Variants in MRPS28 observed in about 807,000 individuals in gnomAD.
The protein encoded by MRPS28 is small ribosomal subunit protein bS1m.
In MRPS28, 7 loss-of-function variants were observed where a neutral mutation model predicts 10.8. The observed-to-expected ratio is 0.65, with a 90% CI of 0.37 to 1.22. MRPS28 has a LOEUF of 1.22. Among genes scored for constraint, MRPS28 ranks in the 50% most tolerant of loss-of-function variants. The pLI, the probability that MRPS28 is intolerant of heterozygous loss-of-function variation, is 0.02. For synonymous variants in MRPS28, 121 were observed against 93.3 expected, an observed-to-expected ratio of 1.30 and a Z score of -1.71; for missense variants, 265 against 232.9, an observed-to-expected ratio of 1.14 and a Z score of -0.90.
chr8:80,003,085 C>A lies in MRPS28; in HGVS notation c.309G>T (p.Arg103=). ...GPAKDKLVIG[R]IFHIVENDLY... is the part of the protein sequence containing the mutation. ...GATCATTCTCCACAATATGAAAGAT[C>A]CGTCCAATGACCAGTTTATCCTTTG... is the stretch of plus-strand genomic sequence containing the variant. Residue 103 remains arginine, a synonymous_variant, in exon 2 of 3, where the codon CGG becomes CGT. Transcript: ENST00000276585. The A allele has an allele frequency of 6.2e-7, 1 of 1,613,760 alleles. No homozygotes were observed. Among genetic ancestry groups the A allele is most frequent in the Non-Finnish European group, 8.5e-7 (1 of 1,179,870 alleles).
intron 2 of MRPS28, among the ~76,000 whole-genome samples, chr8:79,923,358 G>C (rs1407556850): frequency 6.6e-6 from 1 of 152,022 alleles, no homozygotes; most frequent in Admixed American, 6.6e-5. Flanking sequence ...AATCCCTTTA[G>C]GAGTGGTAAG....
intron 2 of MRPS28, among the ~76,000 whole-genome samples, chr8:79,953,944 T>G (rs930203740): frequency 2.0e-5 from 3 of 152,194 alleles, no homozygotes; most frequent in African/African-American, 7.2e-5. Context: ...ACATGAAAAG[T>G]TCTCAACCTC....
intron 1 of MRPS28, among the ~76,000 whole-genome samples, chr8:80,023,719 T>C (rs1029872900): frequency 3.3e-5 from 5 of 152,178 alleles, no homozygotes; most frequent in African/African-American, 9.6e-5. Flanking sequence ...TTCTGAAAAG[T>C]AGCATGCCAC....
At chr8:80,024,082 C>G (rs1809437168) in intron 1 of MRPS28, among the ~76,000 whole-genome samples, 1 of 151,906 alleles carries the variant, frequency 6.6e-6, no homozygotes, top group South Asian at 2.1e-4. Flanking sequence ...ATACAAAAAT[C>G]AGCCAGGCAT....
intron 1 of MRPS28, among the ~76,000 whole-genome samples, chr8:80,015,617 T>C (rs1468804923): frequency 6.6e-6 from 1 of 152,038 alleles, no homozygotes; most frequent in East Asian, 1.9e-4. Context: ...TTTTACCCAA[T>C]ACATCATGCC....
intron 1 of MRPS28, among the ~76,000 whole-genome samples, chr8:80,024,128 G>A (rs552477326): frequency 6.6e-6 from 1 of 152,170 alleles, no homozygotes; most frequent in South Asian, 2.1e-4. Context: ...TTCTCAGGAG[G>A]CTGAGGTGGG....
At chr8:80,015,078 C>A (rs1809160268) in intron 1 of MRPS28, among the ~76,000 whole-genome samples, 2 of 152,158 alleles carry the variant, frequency 1.3e-5, no homozygotes. Flanking sequence ...TGGGACAAGT[C>A]TGAAAGTTAA....
chr8:79,970,001 T>C (rs749798934), intron 2 of MRPS28, among the ~76,000 whole-genome samples: 1 of 152,212 alleles, frequency 6.6e-6, no homozygotes, highest in Non-Finnish European at 1.5e-5. Context: ...TGCTTGGATA[T>C]AGCAATAAAC....
chr8:79,972,613 G>T (rs1420596285), intron 2 of MRPS28, among the ~76,000 whole-genome samples: 1 of 152,254 alleles, frequency 6.6e-6, no homozygotes, highest in Admixed American at 6.5e-5. Context: ...TCATCGAAAA[G>T]TTCCTGCTTT....
rs549405687 is a variant in MRPS28 at position 79,981,749 on chromosome 8, T to C, written c.395+21250A>G. Among the ~76,000 whole-genome samples the C allele has an allele frequency of 2.0e-5, 3 of 152,306 alleles. No individual in the cohort carries two copies. The South Asian group carries it at 6.2e-4, about 32-fold the overall frequency. On this transcript the variant is annotated intron_variant, in intron 2 of 2. Coordinates refer to ENST00000276585, the MANE Select transcript of MRPS28 (RefSeq NM_014018.3). ...AAGAGTTGACACTACTATAAGTAGATATAAAAGAAATGCTTTCAAGGAAAT... is the reference window on the plus strand; with the variant it reads ...AAGAGTTGACACTACTATAAGTAGACATAAAAGAAATGCTTTCAAGGAAAT...
chr8:79,923,758 G>C (rs887398628), intron 2 of MRPS28, among the ~76,000 whole-genome samples: 3 of 152,086 alleles, frequency 2.0e-5, no homozygotes, highest in Admixed American at 2.0e-4. Context: ...AGCCTAAATG[G>C]ATTCAATCTC....
chr8:79,955,525 GC>G (rs1281338270), intron 2 of MRPS28, among the ~76,000 whole-genome samples: 4 of 152,080 alleles, frequency 2.6e-5, no homozygotes, highest in Non-Finnish European at 5.9e-5. Flanking sequence ...TAACATTAAA[GC>G]CTGTGCTGAC....
At chr8:79,920,708 A>T (rs559094571) in intron 2 of MRPS28, among the ~76,000 whole-genome samples, 2 of 152,164 alleles carry the variant, frequency 1.3e-5, no homozygotes, top group Non-Finnish European at 2.9e-5. Context: ...AGAGGAGTAG[A>T]TTGCAAAAAT....
intron 2 of MRPS28, among the ~76,000 whole-genome samples, chr8:79,979,915 CAAAAAAAAA>C (rs61633169): frequency 0.022 from 702 of 31,344 alleles, 12 homozygotes; most frequent in African/African-American, 0.063. Flanking sequence ...GATTCTCACG[CAAAAAAAAA>C]AAAAAAAAAA....
At chr8:79,986,599 G>A (rs914068953) in intron 2 of MRPS28, among the ~76,000 whole-genome samples, 25 of 152,042 alleles carry the variant, frequency 1.6e-4, no homozygotes, top group Admixed American at 1.3e-4. Context: ...AAATCAATGT[G>A]CAAAAATCAC....
chr8:79,952,033 G>A (rs760437782), intron 2 of MRPS28, among the ~76,000 whole-genome samples: 13 of 152,068 alleles, frequency 8.5e-5, no homozygotes, highest in Non-Finnish European at 1.6e-4. Flanking sequence ...TACACATGAC[G>A]GCGCACTTTT....
intron 2 of MRPS28, among the ~76,000 whole-genome samples, chr8:79,987,576 A>G (rs1454666146): frequency 3.9e-5 from 6 of 152,228 alleles, no homozygotes; most frequent in African/African-American, 1.4e-4. Flanking sequence ...AAACAAATTT[A>G]CAAGAAAAAA....
intron 1 of MRPS28, among the ~76,000 whole-genome samples, chr8:80,027,559 T>A (rs1484632401): frequency 6.6e-6 from 1 of 152,236 alleles, no homozygotes; most frequent in Non-Finnish European, 1.5e-5. Context: ...GTAAATAACC[T>A]CATTAAGTCT....
At chr8:79,987,902 C>T (rs1808239483) in intron 2 of MRPS28, among the ~76,000 whole-genome samples, 1 of 152,146 alleles carries the variant, frequency 6.6e-6, no homozygotes, top group East Asian at 1.9e-4. Flanking sequence ...TACCATTTGA[C>T]CCAGCCATCC....
Sources: allele counts gnomAD v4.1 joint callset (sites outside exome capture counted in the v4.1 genomes callset), GRCh38; gene constraint gnomAD v4.1.1; transcripts MANE v1.5; gene names NCBI Gene and HGNC (gene_info 2026-07-23, HGNC 2026-07-21).